Variants in ZFR observed in about 807,000 individuals in gnomAD.
The protein encoded by ZFR is zinc finger RNA-binding protein.
A neutral mutation model predicts 130.7 loss-of-function variants in ZFR; 19 were observed. The observed-to-expected ratio is 0.15, with a 90% CI of 0.10 to 0.21. The LOEUF is 0.21. Among genes scored for constraint, ZFR ranks in the 10% least tolerant of loss-of-function variants. ZFR has a pLI of 1.00. For missense variants in ZFR, 872 were observed against 1,321.5 expected (o/e 0.66, Z 5.27); for synonymous variants, 466 against 456.9 (o/e 1.02, Z -0.25).
At chr5:32,358,698 CTTTT>C (rs929666747) in intron 19 of ZFR, among the ~76,000 whole-genome samples, 1 of 148,668 alleles carries the variant, frequency 6.7e-6, no homozygotes, top group Non-Finnish European at 1.5e-5. Context: ...TTTTAATTAA[CTTTT>C]TTTTTAAATT....
intron 17 of ZFR, among the ~76,000 whole-genome samples, chr5:32,370,527 C>T (rs957808873): frequency 6.6e-6 from 1 of 152,106 alleles, no homozygotes; most frequent in African/African-American, 2.4e-5. Context: ...TGTGCGCCAT[C>T]TCATCCAGCT....
At position 32,400,090 on chromosome 5, in the gene ZFR, T is replaced by C. The variant is rs761296354; in HGVS notation, c.1630A>G (p.Thr544Ala). The C allele has an allele frequency of 1.4e-5, 23 of 1,613,610 alleles. No homozygotes were observed. In the South Asian group the frequency reaches 2.5e-4, roughly 18 times the overall value. Reference protein sequence around the residue: ...AVQIPEVKQDTVSEPVTPASL... With the variant: ...AVQIPEVKQDAVSEPVTPASL... Reference sequence around the variant, plus strand: ...GCAGGTGTGACTGGTTCTGACACTGTGTCTTGCTTTACTTCAGGAATCTGC... The same window carrying C: ...GCAGGTGTGACTGGTTCTGACACTGCGTCTTGCTTTACTTCAGGAATCTGC... Residue 544 changes from threonine to alanine, a missense_variant, in exon 9 of 20, where the codon ACA becomes GCA. Physicochemically the swap from Thr to Ala is moderately conservative, Grantham distance 58. Transcript: ENST00000265069.
chr5:32,398,827 G>C (rs1410010318), intron 9 of ZFR, among the ~76,000 whole-genome samples: 2 of 151,874 alleles, frequency 1.3e-5, no homozygotes, highest in Non-Finnish European at 2.9e-5. Context: ...GGGATTACAA[G>C]TGTGCGCAAC....
intron 10 of ZFR, among the ~76,000 whole-genome samples, chr5:32,396,191 C>G (rs1236665703): frequency 6.7e-6 from 1 of 148,234 alleles, no homozygotes; most frequent in Admixed American, 6.8e-5. Context: ...CCAGCCTGGG[C>G]AACAGAGCAA....
At chr5:32,411,715 G>GGGGCA (rs1276784181) in intron 5 of ZFR, among the ~76,000 whole-genome samples, 1 of 10,950 alleles carries the variant, frequency 9.1e-5, no homozygotes, top group East Asian at 4.3e-3. Flanking sequence ...ATTGAGGGGG[G>GGGGCA]GCGGGGAATA....
At chr5:32,413,239 A>C (rs1448683547) in intron 5 of ZFR, among the ~76,000 whole-genome samples, 1 of 151,438 alleles carries the variant, frequency 6.6e-6, no homozygotes, top group African/African-American at 2.4e-5. Context: ...AAAACAAAAC[A>C]AAAAAAACCT....
intron 1 of ZFR, 87 bp downstream of exon 1, chr5:32,444,535 G>C: frequency 7.1e-7 from 1 of 1,399,970 alleles, no homozygotes. Context: ...CCTCCTCCCC[G>C]GAGCCTGCCC....
intron 2 of ZFR, among the ~76,000 whole-genome samples, chr5:32,424,886 A>G (rs1754039471): frequency 6.6e-6 from 1 of 152,252 alleles, no homozygotes; most frequent in African/African-American, 2.4e-5. Context: ...ATAAGAGTAT[A>G]CATTAAGTTT....
chr5:32,423,646 C>A (rs1404874591), intron 2 of ZFR, among the ~76,000 whole-genome samples: 5 of 151,874 alleles, frequency 3.3e-5, no homozygotes, highest in East Asian at 1.9e-4. Context: ...GAAAAAAGAT[C>A]AAAAAAATTA....
intron 2 of ZFR, among the ~76,000 whole-genome samples, chr5:32,440,506 G>A (rs1050817028): frequency 3.3e-5 from 5 of 152,048 alleles, no homozygotes; most frequent in South Asian, 2.1e-4. Flanking sequence ...AACTAGCCAG[G>A]CGTGGTGGCA....
At chr5:32,420,245 A>G (rs1753920167) in intron 2 of ZFR, 142 bp from the exon 3 acceptor site, 2 of 836,424 alleles carry the variant, frequency 2.4e-6, no homozygotes, top group Middle Eastern at 3.9e-4. Flanking sequence ...CAAGTACTTG[A>G]ACTCAATAAA....
Position 32,355,946 on chromosome 5 carries a change from C to A in ZFR, c.3046-7G>T. 6.4e-7 allele frequency: 1 copy of A among 1,572,264 alleles called. No homozygotes were observed. The highest frequency in any genetic ancestry group is 2.3e-5 in the East Asian group (1 of 42,748). On this transcript the variant is annotated splice_polypyrimidine_tract_variant and splice_region_variant and intron_variant, in intron 19 of 19. Coordinates refer to ENST00000265069, the MANE Select transcript of ZFR (RefSeq NM_016107.5). ...CAAGGAGTCTCAATGCAAACTGCAACAAAGAGAGTCAGAATTTTGAGTTAA... is the reference window on the plus strand; with the variant it reads ...CAAGGAGTCTCAATGCAAACTGCAAAAAAGAGAGTCAGAATTTTGAGTTAA...
chr5:32,439,090 G>A (rs1364991507), intron 2 of ZFR, among the ~76,000 whole-genome samples: 1 of 152,170 alleles, frequency 6.6e-6, no homozygotes, highest in Non-Finnish European at 1.5e-5. Flanking sequence ...ACTCTATTAA[G>A]ACTAATAGCC....
At chr5:32,359,717 A>G (rs1157091789) in intron 19 of ZFR, among the ~76,000 whole-genome samples, 4 of 152,174 alleles carry the variant, frequency 2.6e-5, no homozygotes, top group Admixed American at 2.6e-4. Context: ...TTGGGAGACC[A>G]AGGTGGGTGG....
chr5:32,416,616 A>AC lies in ZFR; in HGVS notation c.565+1031_565+1032insG, dbSNP rs75865320. 5.5e-3 allele frequency among the ~76,000 whole-genome samples: 826 copies of AC among 149,686 alleles called. 8 individuals carry two copies. Among genetic ancestry groups the AC allele is most frequent in the African/African-American group, 0.012 (504 of 40,954 alleles). The stretch of plus-strand genomic sequence containing the variant: ...GCGACAAGAGTGAAACTCCGTCTCA[A>AC]AAAAAAAAAAAAGAGAAGAGACCAC... On this transcript the variant is annotated intron_variant, in intron 4 of 19. Transcript: ENST00000265069.
At chr5:32,413,367 A>G (rs1753753537) in intron 5 of ZFR, among the ~76,000 whole-genome samples, 1 of 152,222 alleles carries the variant, frequency 6.6e-6, no homozygotes, top group South Asian at 2.1e-4. Context: ...AGACAAATGC[A>G]TTTTTATAAA....
At chr5:32,412,099 A>G (rs1455024954) in intron 5 of ZFR, among the ~76,000 whole-genome samples, 1 of 152,212 alleles carries the variant, frequency 6.6e-6, no homozygotes, top group Admixed American at 6.5e-5. Flanking sequence ...AGGATCTACC[A>G]CCACAGGGTG....
chr5:32,412,731 C>T (rs1220093975), intron 5 of ZFR, among the ~76,000 whole-genome samples: 1 of 152,162 alleles, frequency 6.6e-6, no homozygotes. Context: ...ACTTGTAAAG[C>T]ATATTGCTTA....
chr5:32,403,707 T>C (rs1207988150), intron 7 of ZFR, among the ~76,000 whole-genome samples, 199 bp downstream of exon 7: 1 of 152,252 alleles, frequency 6.6e-6, no homozygotes, highest in Non-Finnish European at 1.5e-5. Flanking sequence ...TTTAGTTCAA[T>C]TTAAAGACAG....
Sources: gnomAD v4.1 joint callset for allele counts (sites outside exome capture counted in the v4.1 genomes callset) on GRCh38, gnomAD v4.1.1 for gene constraint, MANE v1.5 for transcripts, NCBI Gene and HGNC (gene_info 2026-07-23, HGNC 2026-07-21) for gene names.